Variants in AVIL observed in about 807,000 individuals in gnomAD.
AVIL encodes advillin.
In AVIL, 78 loss-of-function variants were observed where a neutral mutation model predicts 109.9. The ratio of observed to expected loss-of-function variants is 0.71; its 90% confidence interval spans 0.59 to 0.86. The LOEUF (loss-of-function observed/expected upper bound fraction) is 0.86. AVIL is among the 40% of genes least tolerant of loss of function. The pLI is 0.00. For missense variants in AVIL, 892 were observed against 1,016.5 expected (o/e 0.88, Z 1.67); for synonymous variants, 367 against 379.1 (o/e 0.97, Z 0.37).
rs1309839286 is a variant in AVIL at position 57,806,625 on chromosome 12, T to C, written c.1492-86A>G. ...GAGCTGTTGTGGGAAACGTGAATGTTATAGTATTATGTTTGCCCTTGAGGA... is the reference window on the plus strand; with the variant it reads ...GAGCTGTTGTGGGAAACGTGAATGTCATAGTATTATGTTTGCCCTTGAGGA... On this transcript the variant is annotated intron_variant, in intron 13 of 19. Transcript: ENST00000549994. The C allele has an allele frequency of 3.4e-6, 5 of 1,474,572 alleles. No homozygotes were observed. The East Asian group carries it at 1.1e-4, about 33-fold the overall frequency. 91.3% of individuals were successfully genotyped at this position (1,474,572 alleles called of 1,614,324 possible).
Position 57,807,544 on chromosome 12 carries a change from C to T in AVIL, c.1332+46G>A. On this transcript the variant is annotated intron_variant, in intron 12 of 19. Coordinates refer to ENST00000549994, the MANE Select transcript of AVIL (RefSeq NM_006576.4). Reference sequence around the variant, plus strand: ...ATGCTCCCCGCCCCAGCCCAGTGGCCAGAGGACACATCAGGATCCAAAGCT... The same window carrying T: ...ATGCTCCCCGCCCCAGCCCAGTGGCTAGAGGACACATCAGGATCCAAAGCT... 3 of 1,614,234 alleles carry T rather than the reference C, an allele frequency of 1.9e-6. No homozygotes were observed. In the African/African-American group the frequency reaches 4.0e-5, roughly 22 times the overall value.
At chr12:57,803,195 C>T in intron 16 of AVIL, 52 bp downstream of exon 16, 1 of 1,609,888 alleles carries the variant, frequency 6.2e-7, no homozygotes, top group Non-Finnish European at 8.5e-7. Flanking sequence ...ACAAAAACAA[C>T]CCTTACTGTG....
At position 57,808,394 on chromosome 12, in the gene AVIL, C is replaced by T. The variant is rs765357095; in HGVS notation, c.1093+1G>A. The T allele has an allele frequency of 3.1e-6, 5 of 1,614,038 alleles. No homozygotes were observed. In the East Asian group the frequency reaches 8.9e-5, roughly 29 times the overall value. On this transcript the variant is annotated splice_donor_variant, in intron 10 of 19. Coordinates refer to ENST00000549994, the MANE Select transcript of AVIL (RefSeq NM_006576.4). LOFTEE classifies it high-confidence loss of function. ...AGAGGATGATCTGGGGGCAGTCTCA[C>T]CAATTTTACCAATGCTGAACGTTTT...
intron 16 of AVIL, chr12:57,802,578 G>C: frequency 1.4e-6 from 1 of 715,412 alleles, no homozygotes; most frequent in Non-Finnish European, 2.5e-6. Flanking sequence ...AATTGGAGCT[G>C]TCTCTGAACT....
intron 15 of AVIL, 38 bp downstream of exon 15, chr12:57,803,486 G>C: frequency 6.2e-7 from 1 of 1,613,808 alleles, no homozygotes; most frequent in South Asian, 1.1e-5. Flanking sequence ...CTGGCAGGCA[G>C]GGGGAGCCCA....
chr12:57,799,851 G>C lies in AVIL; in HGVS notation c.2290C>G (p.Leu764Val), dbSNP rs1356095644. ...AGCTCCTGATTCTGGTTTTTCAACA[G>C]AACTGCTATAGGGTAATATTTTGGC... is the stretch of plus-strand genomic sequence containing the variant. ...SEPKYYPIAV[L>V]LKNQNQELPE... Residue 764 changes from leucine (L) to valine (V), a missense_variant, in exon 19 of 20, where the codon CTG (leucine) becomes GTG (valine). Leu to Val is a conservative substitution (Grantham distance 32). Transcript: ENST00000549994. 1.9e-6 allele frequency: 3 copies of C among 1,614,056 alleles called. No homozygotes were observed. The African/African-American group carries it at 4.0e-5, about 22-fold the overall frequency.
At chr12:57,812,273 A>G (rs1956047690) in intron 4 of AVIL, among the ~76,000 whole-genome samples, 1 of 152,194 alleles carries the variant, frequency 6.6e-6, no homozygotes, top group African/African-American at 2.4e-5. Context: ...GGCTCAAGCT[A>G]TCCTCTTGCC....
chr12:57,798,353 G>T (rs575047869), intron 19 of AVIL, among the ~76,000 whole-genome samples: 1 of 152,266 alleles, frequency 6.6e-6, no homozygotes, highest in Non-Finnish European at 1.5e-5. Context: ...CTTGTTTTCT[G>T]CCCGTAACTA....
Position 57,811,089 on chromosome 12 carries a change from A to C in AVIL, c.377T>G (p.Val126Gly), listed in dbSNP as rs1311547348. The change falls in exon 5 of 20, where the codon GTG (valine) becomes GGG (glycine). Residue 126 changes from valine (V) to glycine (G), a missense_variant. Val to Gly is a moderately radical substitution (Grantham distance 109). Transcript: ENST00000549994. ...CTTCACGTCGTAGGTATTGGTCTCC[A>C]CGTGCTTCATCCCAGAGGCGACACC... The part of the protein sequence containing the change: ...QGGVASGMKH[V>G]ETNTYDVKRL... 1 of 1,614,020 alleles carries C rather than the reference A, an allele frequency of 6.2e-7. No individual in the cohort carries two copies. The highest frequency in any genetic ancestry group is 8.5e-7 in the Non-Finnish European group (1 of 1,180,020).
rs781341856 is a variant in AVIL at position 57,814,213 on chromosome 12, GC to G, written c.79del (p.Ala27ArgfsTer5). 3.7e-6 allele frequency: 6 copies of G among 1,612,544 alleles called. No homozygotes were observed. In the African/African-American group the frequency reaches 5.4e-5, roughly 14 times the overall value. ...IVWRIEKMEL[A>X]LVPVSAHGNF... is the part of the protein sequence containing the mutation. ...GCCGTGGGCGCTCACAGGCACCAGC[GC>G]CAGCTCCATTTTCTGGAAGGACAAG... On this transcript the variant is annotated frameshift_variant, in exon 3 of 20. Transcript: ENST00000549994. LOFTEE classifies it high-confidence loss of function.
chr12:57,797,871 G>T lies in AVIL; in HGVS notation c.*11C>A. 1 of 1,602,068 alleles carries T rather than the reference G, an allele frequency of 6.2e-7. No individual in the cohort carries two copies. The highest frequency in any genetic ancestry group is 8.5e-7 in the Non-Finnish European group (1 of 1,172,222). On this transcript the variant is annotated 3_prime_UTR_variant, in exon 20 of 20. Transcript: ENST00000549994. ...TTCTGTGGCCTTGCAATAGGTATAG[G>T]CCTTCTTGCTTTAGAAAAGCCCCTT... is the stretch of plus-strand genomic sequence containing the variant.
At chr12:57,802,772 T>C in intron 16 of AVIL, 1 of 588,550 alleles carries the variant, frequency 1.7e-6, no homozygotes, top group Middle Eastern at 2.8e-4. Flanking sequence ...AAACCCCCCA[T>C]ATCCAATGAG....
Position 57,809,594 on chromosome 12 carries a change from T to A in AVIL, c.939+3A>T, listed in dbSNP as rs2277325. On this transcript the variant is annotated splice_donor_region_variant and intron_variant, in intron 9 of 19. Transcript: ENST00000549994. ...AACAGTATTGCACATCTGTAGCTCCTACCAGCGCTTTAGACATGGCTGCCT... is the reference window on the plus strand; with the variant it reads ...AACAGTATTGCACATCTGTAGCTCCAACCAGCGCTTTAGACATGGCTGCCT... 0.033 allele frequency: 53,493 copies of A among 1,614,178 alleles called. 2,241 individuals carry two copies. The highest frequency in any genetic ancestry group is 0.17 in the East Asian group (7,733 of 44,880).
intron 1 of AVIL, among the ~76,000 whole-genome samples, chr12:57,818,347 T>C (rs1469823406): frequency 6.6e-6 from 1 of 151,942 alleles, no homozygotes; most frequent in Non-Finnish European, 1.5e-5. Flanking sequence ...GCCAGGAAGC[T>C]GGTTTTAACT....
At position 57,808,253 on chromosome 12, in the gene AVIL, T is replaced by C. The variant is rs1396097609; in HGVS notation, c.1135A>G (p.Thr379Ala). 6 of 1,614,132 alleles carry C rather than the reference T, an allele frequency of 3.7e-6. No homozygotes were observed. The South Asian group carries it at 6.6e-5, about 18-fold the overall frequency. ...QDKFDVTLLH[T>A]KPEVAAQERM... Reference sequence around the variant, plus strand: ...TCCTGGGCAGCTACCTCTGGCTTGGTGTGTAGCAGAGTCACATCAAATTTA... The same window carrying C: ...TCCTGGGCAGCTACCTCTGGCTTGGCGTGTAGCAGAGTCACATCAAATTTA... The change falls in exon 11 of 20, where the codon ACC becomes GCC. Residue 379 changes from threonine to alanine, a missense_variant. Transcript: ENST00000549994.
chr12:57,814,563 AG>A (rs775764251), intron 2 of AVIL: 11 of 258,568 alleles, frequency 4.3e-5, no homozygotes, highest in Admixed American at 9.1e-5. Context: ...TAAACGACCA[AG>A]TACAAACCCT....
At chr12:57,814,396 C>A in intron 2 of AVIL, 170 bp from the exon 3 acceptor site, 1 of 632,778 alleles carries the variant, frequency 1.6e-6, no homozygotes, top group Admixed American at 2.8e-5. Context: ...CGTGGCCATC[C>A]CTCTGGCTTC....
rs758880730 is a variant in AVIL at position 57,803,325 on chromosome 12, G to T, written c.1884C>A (p.Phe628Leu). The change falls in exon 16 of 20, where the codon TTC becomes TTA. Residue 628 changes from phenylalanine to leucine, a missense_variant. Coordinates refer to ENST00000549994, the MANE Select transcript of AVIL (RefSeq NM_006576.4). The stretch of plus-strand genomic sequence containing the variant: ...TGAAGTCTGTGATCTCAGTGACAAC[G>T]AATTGGCCGGTCTTATTGGAACATT... Reference protein sequence around the residue: ...LFECSNKTGQFVVTEITDFTQ... With the variant: ...LFECSNKTGQLVVTEITDFTQ... 1.7e-5 allele frequency: 27 copies of T among 1,614,192 alleles called. No homozygotes were observed. The highest frequency in any genetic ancestry group is 2.3e-5 in the Non-Finnish European group (27 of 1,180,024).
At position 57,810,346 on chromosome 12, in the gene AVIL, C is replaced by T. The variant is rs1956018803; in HGVS notation, c.761+3G>A. On this transcript the variant is annotated splice_donor_region_variant and intron_variant, in intron 7 of 19. Transcript: ENST00000549994. ...CCAGCTAAAACCAGGTTGAGCTACTCACTGATACAACATGATAGTTGATTT... is the reference window on the plus strand; with the variant it reads ...CCAGCTAAAACCAGGTTGAGCTACTTACTGATACAACATGATAGTTGATTT... 6.2e-7 allele frequency: 1 copy of T among 1,614,148 alleles called. No individual in the cohort carries two copies. The highest frequency in any genetic ancestry group is 1.3e-5 in the African/African-American group (1 of 75,046).
Sources: allele counts gnomAD v4.1 joint callset (sites outside exome capture counted in the v4.1 genomes callset), GRCh38; gene constraint gnomAD v4.1.1; transcripts MANE v1.5; gene names NCBI Gene and HGNC (gene_info 2026-07-23, HGNC 2026-07-21).